Variants in VPS33B observed in about 807,000 individuals in gnomAD.
The protein encoded by VPS33B is VPS33B late endosome and lysosome associated.
A neutral mutation model predicts 95.3 loss-of-function variants in VPS33B; 80 were observed. The observed-to-expected ratio is 0.84, with a 90% CI of 0.70 to 1.01. The LOEUF is 1.01. Among genes scored for constraint, VPS33B ranks in the 50% least tolerant of loss-of-function variants. The pLI is 0.00. For missense variants in VPS33B, 715 were observed against 773.4 expected, an observed-to-expected ratio of 0.92 and a Z score of 0.90; for synonymous variants, 280 against 280.4, an observed-to-expected ratio of 1.00 and a Z score of 0.01.
rs964343636 is a variant in VPS33B at position 91,007,338 on chromosome 15, A to G, written c.603+131T>C. 20 of 952,778 alleles carry G rather than the reference A, an allele frequency of 2.1e-5. No individual in the cohort carries two copies. The East Asian group carries it at 4.2e-4, about 20-fold the overall frequency. The allele number at this position is 952,778 out of a possible 1,614,324, so 59.0% of individuals were successfully genotyped here. A position where few individuals can be genotyped will look rare whatever the true frequency, so the allele number is the denominator to read the frequency against. ...GCCACACAAGTTCTCCTCTCTGAGG[A>G]TCTATTCCAGAACAATGAAAGCAAA... On this transcript the variant is annotated intron_variant, in intron 8 of 22. Transcript: ENST00000333371. This position sits in a 1 kb window ranked among gnomAD's most constrained non-coding sequence, Gnocchi z 5.3.
Position 90,999,019 on chromosome 15 carries a change from T to C in VPS33B, c.1810A>G (p.Asn604Asp), listed in dbSNP as rs1212793298. 1.2e-6 allele frequency: 2 copies of C among 1,614,132 alleles called. No individual in the cohort carries two copies. The highest frequency in any genetic ancestry group is 8.5e-7 in the Non-Finnish European group (1 of 1,180,010). The change falls in exon 23 of 23, where the codon AAC (asparagine) becomes GAC (aspartate). Residue 604 changes from asparagine (N) to aspartate (D), a missense_variant. Physicochemically the swap from Asn to Asp is conservative, Grantham distance 23. Transcript: ENST00000333371. This position sits in a 1 kb window ranked among gnomAD's most constrained non-coding sequence, Gnocchi z 5.1. Reference protein sequence around the residue: ...RFIFLTTAVTNSARLMEAMSE... With the variant: ...RFIFLTTAVTDSARLMEAMSE... Reference sequence around the variant, plus strand: ...ATGGCCTCCATAAGGCGAGCGCTGTTTGTGACTGCTGTCGTCAGGAAAATG... The same window carrying C: ...ATGGCCTCCATAAGGCGAGCGCTGTCTGTGACTGCTGTCGTCAGGAAAATG...
At chr15:91,021,110 T>C (rs2041089482) in intron 1 of VPS33B, among the ~76,000 whole-genome samples, 1 of 152,178 alleles carries the variant, frequency 6.6e-6, no homozygotes. Flanking sequence ...ATTTTTCTCA[T>C]TTCTATTCAA....
rs2040715255 is a variant in VPS33B, at chr15:91,009,420, C to G, written c.403+381G>C. ...CTCCCGGGTTCAAGCAATTCTTCTG[C>G]CTCAGCCTCCCGAGTAGCTGGGATT... On this transcript the variant is annotated intron_variant, in intron 6 of 22. Transcript: ENST00000333371. This position sits in a 1 kb window ranked among gnomAD's most constrained non-coding sequence, Gnocchi z 4.1. Among the ~76,000 whole-genome samples the G allele has an allele frequency of 6.6e-6, 1 of 152,034 alleles. No individual in the cohort carries two copies. The highest frequency in any genetic ancestry group is 1.5e-5 in the Non-Finnish European group (1 of 68,022).
In VPS33B at chr15:90,999,572, G is replaced by A. The variant is rs907608650; in HGVS notation, c.1774+105C>T. 20 of 1,210,592 alleles carry A rather than the reference G, an allele frequency of 1.7e-5. No individual in the cohort carries two copies. Among genetic ancestry groups the A allele is most frequent in the East Asian group, 4.7e-5 (2 of 42,724 alleles). 75.0% of individuals were successfully genotyped at this position (1,210,592 alleles called of 1,614,324 possible). Reference sequence around the variant, plus strand: ...GACCTCAGGTGATCTGCCCGCCTCCGCCTCCCAAAGTGCTGAGATTACAGG... The same window carrying A: ...GACCTCAGGTGATCTGCCCGCCTCCACCTCCCAAAGTGCTGAGATTACAGG... On this transcript the variant is annotated intron_variant, in intron 22 of 22. Coordinates refer to ENST00000333371, the MANE Select transcript of VPS33B (RefSeq NM_018668.5). This position sits in a 1 kb window ranked among gnomAD's most constrained non-coding sequence, Gnocchi z 5.1.
chr15:90,999,794 C>G lies in VPS33B; in HGVS notation c.1658-1G>C. On this transcript the variant is annotated splice_acceptor_variant, in intron 21 of 22. Coordinates refer to ENST00000333371, the MANE Select transcript of VPS33B (RefSeq NM_018668.5). LOFTEE classifies it high-confidence loss of function. The surrounding 1 kb of genome is among the most constrained non-coding windows in gnomAD (Gnocchi z 5.1). ...GAAGCCTTGTCTTCCTTAGTCATAT[C>G]TGTGAGGATCAGACCAGATTCAGCC... The G allele has an allele frequency of 4.3e-6, 7 of 1,614,168 alleles. No homozygotes were observed. Among genetic ancestry groups the G allele is most frequent in the Non-Finnish European group, 5.9e-6 (7 of 1,180,022 alleles).
Position 91,002,111 on chromosome 15 carries a change from G to C in VPS33B, c.1344C>G (p.Pro448=). The C allele has an allele frequency of 6.2e-7, 1 of 1,614,122 alleles. No homozygotes were observed. Among genetic ancestry groups the C allele is most frequent in the Non-Finnish European group, 8.5e-7 (1 of 1,180,002 alleles). ...RRAGLLTEQA[P]GDTLTAVESK... The stretch of plus-strand genomic sequence containing the variant: ...TCTCCACGGCTGTGAGGGTGTCCCC[G>C]GGGGCCTGCTCCGTTAGGAGCCCAG... The change falls in exon 18 of 23, where the codon CCC becomes CCG. Residue 448 remains proline, a synonymous_variant. Coordinates refer to ENST00000333371, the MANE Select transcript of VPS33B (RefSeq NM_018668.5). The surrounding 1 kb of genome is among the most constrained non-coding windows in gnomAD (Gnocchi z 4.7).
At chr15:91,003,684 T>C (rs1173906944) in intron 16 of VPS33B, among the ~76,000 whole-genome samples, 3 of 152,116 alleles carry the variant, frequency 2.0e-5, no homozygotes, top group Non-Finnish European at 2.9e-5. Flanking sequence ...AAGATCCGCC[T>C]GCCTTGGCCT....
intron 16 of VPS33B, among the ~76,000 whole-genome samples, 181 bp from the exon 17 acceptor site, chr15:91,003,312 T>C (rs535108089): frequency 1.3e-4 from 20 of 152,270 alleles, no homozygotes; most frequent in African/African-American, 4.8e-4. Flanking sequence ...AAAGCCTTGG[T>C]CTGGGAGCTC....
Position 90,999,767 on chromosome 15 carries a change from TG to T in VPS33B, c.1683del (p.Ser562ValfsTer37). On this transcript the variant is annotated frameshift_variant, in exon 22 of 23. Transcript: ENST00000333371. LOFTEE classifies it high-confidence loss of function. This position sits in a 1 kb window ranked among gnomAD's most constrained non-coding sequence, Gnocchi z 5.1. Reference sequence around the variant, plus strand: ...ACCAAGATGAGGCGCAGGGACTCACTGGAAGCCTTGTCTTCCTTAGTCATAT... The same window carrying T: ...ACCAAGATGAGGCGCAGGGACTCACTGAAGCCTTGTCTTCCTTAGTCATAT... ...FTDMTKEDKA[S>X]SESLRLILVV... The T allele has an allele frequency of 6.2e-7, 1 of 1,614,066 alleles. No individual in the cohort carries two copies. Among genetic ancestry groups the T allele is most frequent in the Non-Finnish European group, 8.5e-7 (1 of 1,179,982 alleles).
intron 16 of VPS33B, 78 bp downstream of exon 16, chr15:91,004,799 C>G: frequency 6.5e-7 from 1 of 1,529,786 alleles, no homozygotes; most frequent in Non-Finnish European, 9.1e-7. Flanking sequence ...TTTGCCTTAG[C>G]CTTTCAAAAT....
In VPS33B at chr15:91,018,102, A is replaced by T. The variant is rs1281987822; in HGVS notation, c.97-217T>A. The T allele has an allele frequency of 1.6e-5, 9 of 562,100 alleles. No individual in the cohort carries two copies. The highest frequency in any genetic ancestry group is 2.6e-5 in the Admixed American group (1 of 38,106). 34.8% of individuals were successfully genotyped at this position (562,100 alleles called of 1,614,324 possible). A position where few individuals can be genotyped will look rare whatever the true frequency, so the allele number is the denominator to read the frequency against. ...CTCGTTTTCTGTACCAGTGGGAAGA[A>T]GACATCCCACCTTCTTTCTCAGGTT... On this transcript the variant is annotated intron_variant, in intron 1 of 22. Coordinates refer to ENST00000333371, the MANE Select transcript of VPS33B (RefSeq NM_018668.5). The surrounding 1 kb of genome is among the most constrained non-coding windows in gnomAD (Gnocchi z 4.7).
rs2040718293 is a variant in VPS33B at position 91,009,497 on chromosome 15, G to C, written c.403+304C>G. On this transcript the variant is annotated intron_variant, in intron 6 of 22. Transcript: ENST00000333371. This position sits in a 1 kb window ranked among gnomAD's most constrained non-coding sequence, Gnocchi z 4.1. Reference sequence around the variant, plus strand: ...AATTATTGTATTTTTAGTAGAGATGGGGTTTCACCATGTTGCCCAGGCTGG... The same window carrying C: ...AATTATTGTATTTTTAGTAGAGATGCGGTTTCACCATGTTGCCCAGGCTGG... 6.6e-6 allele frequency among the ~76,000 whole-genome samples: 1 copy of C among 151,900 alleles called. No individual in the cohort carries two copies. The highest frequency in any genetic ancestry group is 1.5e-5 in the Non-Finnish European group (1 of 67,970).
intron 18 of VPS33B, 124 bp from the exon 19 acceptor site, chr15:91,001,586 T>C (rs2040439584): frequency 1.2e-6 from 1 of 814,940 alleles, no homozygotes; most frequent in African/African-American, 1.7e-5. Flanking sequence ...GCTGTTCAAC[T>C]ATAATTCCCT....
At chr15:91,014,076 C>A (rs192784064) in intron 4 of VPS33B, among the ~76,000 whole-genome samples, 1 of 151,826 alleles carries the variant, frequency 6.6e-6, no homozygotes. Context: ...AAAATTAGCC[C>A]GATCTGGTGG....
intron 16 of VPS33B, 81 bp from the exon 17 acceptor site, chr15:91,003,212 G>T: frequency 1.5e-6 from 2 of 1,347,282 alleles, no homozygotes; most frequent in East Asian, 2.3e-5. Context: ...AACCAGCAAC[G>T]AACGCCTTCT....
At chr15:91,001,176 C>T (rs1459474349) in intron 19 of VPS33B, among the ~76,000 whole-genome samples, 2 of 152,008 alleles carry the variant, frequency 1.3e-5, no homozygotes, top group African/African-American at 4.8e-5. Flanking sequence ...ATTAGCTGGG[C>T]GTGGTGGCAC....
rs1442762649 is a variant in VPS33B at position 91,015,234 on chromosome 15, G to A, written c.240-801C>T. ...GTCTGTAATCCCAGCTACGCAGGAG[G>A]CTGAGGCAGGAGAATCGCTTGAACC... On this transcript the variant is annotated intron_variant, in intron 3 of 22. Transcript: ENST00000333371. The surrounding 1 kb of genome is among the most constrained non-coding windows in gnomAD (Gnocchi z 4.7). 1.3e-5 allele frequency among the ~76,000 whole-genome samples: 2 copies of A among 152,114 alleles called. No individual in the cohort carries two copies. The highest frequency in any genetic ancestry group is 1.9e-4 in the East Asian group (1 of 5,194).
At chr15:91,003,470 T>C (rs376104096) in intron 16 of VPS33B, among the ~76,000 whole-genome samples, 1 of 152,092 alleles carries the variant, frequency 6.6e-6, no homozygotes, top group Non-Finnish European at 1.5e-5. Context: ...GATGGAGTCT[T>C]GCTCTGTCAC....
chr15:91,009,624 C>G lies in VPS33B; in HGVS notation c.403+177G>C, dbSNP rs532089489. ...CCCAGCCCCCAGTAGTGTTCTAATT[C>G]GTGGTCCTATTCCCATTCCCATTCT... On this transcript the variant is annotated intron_variant, in intron 6 of 22. Coordinates refer to ENST00000333371, the MANE Select transcript of VPS33B (RefSeq NM_018668.5). This position sits in a 1 kb window ranked among gnomAD's most constrained non-coding sequence, Gnocchi z 4.1. Among the ~76,000 whole-genome samples, 5 of 143,720 alleles carry G rather than the reference C, an allele frequency of 3.5e-5. No individual in the cohort carries two copies. Among genetic ancestry groups the G allele is most frequent in the Admixed American group, 2.9e-4 (4 of 13,638 alleles). 94.3% of individuals were successfully genotyped at this position (143,720 alleles called of 152,430 possible).
Sources: gnomAD v4.1 joint callset for allele counts (sites outside exome capture counted in the v4.1 genomes callset) on GRCh38, gnomAD v4.1.1 for gene constraint, Gnocchi (gnomAD v3.1) non-coding constraint, MANE v1.5 for transcripts, NCBI Gene and HGNC (gene_info 2026-07-23, HGNC 2026-07-21) for gene names.